The following MAPT variants were observed in gnomAD, a reference collection of about 807,000 sequenced individuals.
MAPT encodes microtubule associated protein tau.
A neutral mutation model predicts 67.9 loss-of-function variants in MAPT; 34 were observed. The observed-to-expected ratio is 0.50, with a 90% CI of 0.38 to 0.67. MAPT has a LOEUF of 0.67. Ranked by LOEUF, MAPT falls within the 30% of genes least tolerant of loss-of-function variation. The pLI is 0.00. For missense variants in MAPT, 881 were observed against 1,115.2 expected (o/e 0.79, Z 2.99); for synonymous variants, 456 against 464.5 (o/e 0.98, Z 0.23).
chr17:45,938,810 A>ATTTTTTT (rs368157488), intron 1 of MAPT, among the ~76,000 whole-genome samples: 1 of 118,106 alleles, frequency 8.5e-6, no homozygotes, highest in Non-Finnish European at 1.7e-5. Flanking sequence ...TGCCCAGCTA[A>ATTTTTTT]TTTTTTTTTT....
intron 3 of MAPT, chr17:45,974,692 T>C (rs1391197104): frequency 1.7e-6 from 1 of 574,748 alleles, no homozygotes; most frequent in Non-Finnish European, 3.1e-6. Flanking sequence ...TTTAGGGCCT[T>C]CTGGACTTCT....
chr17:45,907,952 T>TCCTG (rs1201338833), intron 1 of MAPT: 8 of 152,366 alleles, frequency 5.3e-5, no homozygotes, highest in African/African-American at 1.9e-4. Flanking sequence ...CCGCTTGCCT[T>TCCTG]CCTGCCTCTG....
At chr17:46,009,618 A>T (rs1370582507) in intron 9 of MAPT, among the ~76,000 whole-genome samples, 1 of 152,246 alleles carries the variant, frequency 6.6e-6, no homozygotes, top group Non-Finnish European at 1.5e-5. Flanking sequence ...TTGCAGGGAC[A>T]GAGCCCTCGT....
At chr17:45,966,072 G>T (rs2071048511) in intron 2 of MAPT, among the ~76,000 whole-genome samples, 1 of 152,196 alleles carries the variant, frequency 6.6e-6, no homozygotes, top group East Asian at 1.9e-4. Flanking sequence ...ATCACAACAT[G>T]TGCCTCATAT....
chr17:45,960,950 A>C (rs1178444201), intron 1 of MAPT, among the ~76,000 whole-genome samples: 1 of 152,156 alleles, frequency 6.6e-6, no homozygotes, highest in Non-Finnish European at 1.5e-5. Context: ...TTACTTTCAC[A>C]CCTCTGTCCA....
Position 46,026,816 on chromosome 17 carries a change from C to T in MAPT, c.*2645C>T, listed in dbSNP as rs529329023. The T allele has an allele frequency of 1.3e-5, 2 of 152,554 alleles. No individual in the cohort carries two copies. Among genetic ancestry groups the T allele is most frequent in the East Asian group, 3.9e-4 (2 of 5,184 alleles). 9.5% of individuals were successfully genotyped at this position (152,554 alleles called of 1,614,324 possible). On this transcript the variant is annotated 3_prime_UTR_variant, in exon 13 of 13. Transcript: ENST00000262410. ...GCTGCCATGAGAAAAGGGAAGCCGC[C>T]TTTGCAAAACATTGCTGCCTAAAGA...
At chr17:45,913,003 C>T (rs997152626) in intron 1 of MAPT, among the ~76,000 whole-genome samples, 28 of 152,238 alleles carry the variant, frequency 1.8e-4, no homozygotes. Context: ...TGAGCACTTA[C>T]TACAAAACAG....
At position 45,996,337 on chromosome 17, in the gene MAPT, C is replaced by T. The variant is rs1476337147; in HGVS notation, c.1733-62C>T. The T allele has an allele frequency of 5.7e-6, 9 of 1,584,720 alleles. No homozygotes were observed. The highest frequency in any genetic ancestry group is 7.7e-6 in the Non-Finnish European group (9 of 1,164,300). ...AATGGACCCACGGGACAGGCAGCCC[C>T]CAGGGCCTTTTCTGACCCCACCCAC... On this transcript the variant is annotated intron_variant, in intron 8 of 12. Coordinates refer to ENST00000262410, the MANE Select transcript of MAPT (RefSeq NM_001377265.1). The surrounding 1 kb of genome is among the most constrained non-coding windows in gnomAD (Gnocchi z 4.5).
At chr17:45,981,430 A>T (rs957316529) in intron 4 of MAPT, among the ~76,000 whole-genome samples, 2 of 152,200 alleles carry the variant, frequency 1.3e-5, no homozygotes. Context: ...TGTGCCCTTG[A>T]TCAGCTGGGT....
intron 1 of MAPT, among the ~76,000 whole-genome samples, chr17:45,914,065 G>A (rs1217349474): frequency 6.6e-6 from 1 of 151,992 alleles, no homozygotes; most frequent in African/African-American, 2.4e-5. Flanking sequence ...AAAGGAGGAG[G>A]GATTTAACAT....
chr17:45,938,092 G>A (rs1187424697), intron 1 of MAPT, among the ~76,000 whole-genome samples: 1 of 152,116 alleles, frequency 6.6e-6, no homozygotes, highest in East Asian at 1.9e-4. Flanking sequence ...GAAATCAACT[G>A]TATTAATTTT....
At chr17:45,936,034 A>C (rs1263438498) in intron 1 of MAPT, among the ~76,000 whole-genome samples, 3 of 152,196 alleles carry the variant, frequency 2.0e-5, no homozygotes, top group Non-Finnish European at 2.9e-5. Context: ...GGCAGAGAGC[A>C]TGTTGTCTGT....
intron 9 of MAPT, among the ~76,000 whole-genome samples, chr17:46,001,673 A>C (rs2075013610): frequency 6.6e-6 from 1 of 152,252 alleles, no homozygotes; most frequent in African/African-American, 2.4e-5. Context: ...TATTAAAAAA[A>C]AAATGCTGGT....
At position 46,014,882 on chromosome 17, in the gene MAPT, C is replaced by CAAAAAAAAAAAAAAAA. The variant is rs1254513618; in HGVS notation, c.2173+569_2173+570insAAAAAAAAAAAAAAAA. The stretch of plus-strand genomic sequence containing the variant: ...TGGGCGACAGAGCGAGACTCCGTCT[C>CAAAAAAAAAAAAAAAA]AAAAAAAAAAAGCACATGTTCTCGC... On this transcript the variant is annotated intron_variant, in intron 11 of 12. Transcript: ENST00000262410. Among the ~76,000 whole-genome samples the CAAAAAAAAAAAAAAAA allele has an allele frequency of 5.9e-4, 75 of 127,430 alleles. 1 individual carries two copies. Among genetic ancestry groups the CAAAAAAAAAAAAAAAA allele is most frequent in the Non-Finnish European group, 8.9e-4 (52 of 58,726 alleles). 83.6% of individuals were successfully genotyped at this position (127,430 alleles called of 152,430 possible). A position where few individuals can be genotyped will look rare whatever the true frequency, so the allele number is the denominator to read the frequency against.
chr17:45,989,378 C>T (rs1429954171), intron 6 of MAPT, among the ~76,000 whole-genome samples: 7 of 152,160 alleles, frequency 4.6e-5, no homozygotes, highest in African/African-American at 1.2e-4. Context: ...GGGCCAGGCG[C>T]GGTGGCTCAC....
chr17:45,900,952 A>G (rs1435867468), intron 1 of MAPT, among the ~76,000 whole-genome samples: 5 of 152,152 alleles, frequency 3.3e-5, no homozygotes, highest in African/African-American at 1.2e-4. Flanking sequence ...TGTCCTGTGG[A>G]TGAGTGCTTG....
At chr17:46,009,669 C>A (rs937770987) in intron 9 of MAPT, among the ~76,000 whole-genome samples, 1 of 152,238 alleles carries the variant, frequency 6.6e-6, no homozygotes, top group African/African-American at 2.4e-5. Flanking sequence ...CACAAAGCGG[C>A]CTGTGTCCTG....
chr17:45,924,321 A>G (rs2066053821), intron 1 of MAPT, among the ~76,000 whole-genome samples: 1 of 152,110 alleles, frequency 6.6e-6, no homozygotes, highest in East Asian at 1.9e-4. Flanking sequence ...GCTTTAAGTC[A>G]CCTGTCACTC....
At position 45,965,294 on chromosome 17, in the gene MAPT, G is replaced by A. The variant is rs185458268; in HGVS notation, c.133+2824G>A. 1.6e-3 allele frequency among the ~76,000 whole-genome samples: 239 copies of A among 152,012 alleles called. 2 individuals are homozygous for A. The highest frequency in any genetic ancestry group is 2.5e-3 in the Non-Finnish European group (170 of 67,938). Reference sequence around the variant, plus strand: ...AAAATACAAAAATTAACCAGGTGTGGTGGTGGGTGCCTGTAGTCCCAGCTA... The same window carrying A: ...AAAATACAAAAATTAACCAGGTGTGATGGTGGGTGCCTGTAGTCCCAGCTA... On this transcript the variant is annotated intron_variant, in intron 2 of 12. Transcript: ENST00000262410.
Sources: allele counts gnomAD v4.1 joint callset (sites outside exome capture counted in the v4.1 genomes callset), GRCh38; gene constraint gnomAD v4.1.1; non-coding constraint Gnocchi (gnomAD v3.1); transcripts MANE v1.5; gene names NCBI Gene and HGNC (gene_info 2026-07-23, HGNC 2026-07-21).